Variants in ADGRG2 observed in about 807,000 individuals in gnomAD.
ADGRG2 encodes adhesion G protein-coupled receptor G2, also known as G protein-coupled receptor 64.
Under a neutral mutation model 74.1 loss-of-function variants are expected in ADGRG2, and 26 were observed. The ratio of observed to expected loss-of-function variants is 0.35; its 90% CI spans 0.26 to 0.49. ADGRG2 has a LOEUF of 0.49. Ranked by LOEUF, ADGRG2 falls within the 20% of genes least tolerant of loss-of-function variation. The pLI, the probability that ADGRG2 is intolerant of heterozygous loss-of-function variation, is 0.99. For missense variants in ADGRG2, 619 were observed against 763.1 expected (o/e 0.81, Z 2.22); for synonymous variants, 296 against 295.2 (o/e 1.00, Z -0.03).
intron 1 of ADGRG2, among the ~76,000 whole-genome samples, chrX:19,088,382 T>G (rs1477318075): frequency 8.9e-6 from 1 of 112,368 alleles, no homozygotes; most frequent in East Asian, 2.8e-4. Context: ...ATTTTCTAAT[T>G]AACTCAACTT....
chrX:19,071,346 C>T (rs2061650516), intron 2 of ADGRG2, among the ~76,000 whole-genome samples: 1 of 111,878 alleles, frequency 8.9e-6, no homozygotes, highest in Admixed American at 9.5e-5. Context: ...TCTCTCTGGG[C>T]ATAATGGCAT....
intron 7 of ADGRG2, chrX:19,034,805 G>C (rs895060546): frequency 9.1e-6 from 1 of 110,328 alleles, no homozygotes; most frequent in South Asian, 4.0e-4. Context: ...GTGGTGGCGG[G>C]CACCTGTAGT....
rs968551531 is a variant in ADGRG2, at chrX:18,997,801, A to G, written c.2614+1195T>C. Among the ~76,000 whole-genome samples, 3 of 112,304 alleles carry G rather than the reference A, an allele frequency of 2.7e-5. No individual in the cohort carries two copies. The Admixed American group carries it at 2.8e-4, about 11-fold the overall frequency. Reference sequence around the variant, plus strand: ...TGCCTGATAGAACTAGAGAAGGACAATATGGGAGCAAAAGCAACAGGAAAG... The same window carrying G: ...TGCCTGATAGAACTAGAGAAGGACAGTATGGGAGCAAAAGCAACAGGAAAG... On this transcript the variant is annotated intron_variant, in intron 26 of 28. Coordinates refer to ENST00000379869, the MANE Select transcript of ADGRG2 (RefSeq NM_001079858.3).
At chrX:19,050,444 A>G (rs1204604295) in intron 3 of ADGRG2, among the ~76,000 whole-genome samples, 1 of 111,998 alleles carries the variant, frequency 8.9e-6, no homozygotes, top group Non-Finnish European at 1.9e-5. Context: ...GGCTGGTCTC[A>G]TAGATGGCTC....
chrX:19,117,891 C>A (rs1262915001), intron 1 of ADGRG2, among the ~76,000 whole-genome samples: 1 of 110,054 alleles, frequency 9.1e-6, no homozygotes, highest in African/African-American at 3.3e-5. Flanking sequence ...ATATGAACTT[C>A]CAAAGTCAAG....
intron 24 of ADGRG2, among the ~76,000 whole-genome samples, chrX:19,002,310 C>G (rs1412112850): frequency 9.0e-6 from 1 of 111,427 alleles, no homozygotes; most frequent in Non-Finnish European, 1.9e-5. Flanking sequence ...TAAGGCCTTG[C>G]GACCTGCCAC....
At position 19,019,635 on chromosome X, in the gene ADGRG2, C is replaced by G; in HGVS notation, c.674G>C (p.Cys225Ser). ...TTCCAACTCTTCTGGGGAGGAAGGGCAGGGTATCCTGACAGAACAGCAGCA... is the reference window on the plus strand; with the variant it reads ...TTCCAACTCTTCTGGGGAGGAAGGGGAGGGTATCCTGACAGAACAGCAGCA... ...EHCCCSVRIPCPSSPEELEKL... is the reference protein window; with the variant it reads ...EHCCCSVRIPSPSSPEELEKL... Residue 225 changes from cysteine to serine, a missense_variant, in exon 15 of 29, where the codon TGC becomes TCC. By Grantham distance (112) the Cys-to-Ser change is moderately radical (BLOSUM62 -1). This residue lies in a region of ADGRG2 where 292 missense variants were observed against 318.0 expected (regional missense o/e 0.92). Transcript: ENST00000379869. 8.5e-7 allele frequency: 1 copy of G among 1,171,296 alleles called. No individual in the cohort carries two copies. Among genetic ancestry groups the G allele is most frequent in the Non-Finnish European group, 1.2e-6 (1 of 861,854 alleles).
intron 2 of ADGRG2, among the ~76,000 whole-genome samples, chrX:19,075,636 A>AAG (rs1555907969): frequency 1.9e-5 from 2 of 107,187 alleles, no homozygotes; most frequent in African/African-American, 6.9e-5. Context: ...AAAAAAAAAA[A>AAG]AAAGAAAGAA....
intron 16 of ADGRG2, 64 bp from the exon 17 acceptor site, chrX:19,010,842 G>A (rs756194384): frequency 6.9e-5 from 57 of 831,436 alleles, no homozygotes; most frequent in Non-Finnish European, 9.5e-5. Flanking sequence ...AAAGATAAAC[G>A]TACATAGACC....
At chrX:19,035,044 G>A (rs1202710761) in intron 7 of ADGRG2, 2 of 112,179 alleles carry the variant, frequency 1.8e-5, no homozygotes, top group African/African-American at 3.2e-5. Flanking sequence ...TAACTAAAGT[G>A]CTCTGGGGTA....
At chrX:19,116,506 CAA>C (rs10677696) in intron 1 of ADGRG2, among the ~76,000 whole-genome samples, 2 of 24,015 alleles carry the variant, frequency 8.3e-5, no homozygotes, top group African/African-American at 1.3e-4. Flanking sequence ...GATTCCGTCT[CAA>C]AAAAAAAAAA....
At chrX:19,103,921 G>A (rs2062232753) in intron 1 of ADGRG2, among the ~76,000 whole-genome samples, 1 of 111,490 alleles carries the variant, frequency 9.0e-6, no homozygotes, top group Non-Finnish European at 1.9e-5. Flanking sequence ...GAGGGGAAAA[G>A]GCTGGGTCCT....
chrX:19,056,908 A>C (rs2061417313), intron 3 of ADGRG2, among the ~76,000 whole-genome samples: 1 of 111,881 alleles, frequency 8.9e-6, no homozygotes, highest in East Asian at 2.8e-4. Flanking sequence ...ACTTGGGTTC[A>C]GATCCTGGCT....
chrX:19,043,294 C>G (rs2061108939), intron 3 of ADGRG2, among the ~76,000 whole-genome samples: 1 of 111,411 alleles, frequency 9.0e-6, no homozygotes, highest in Non-Finnish European at 1.9e-5. Context: ...ACAGGACTTA[C>G]ACTTTTCTGA....
chrX:19,094,629 T>C (rs898903076), intron 1 of ADGRG2, among the ~76,000 whole-genome samples: 2 of 112,703 alleles, frequency 1.8e-5, no homozygotes, highest in Admixed American at 9.4e-5. Context: ...CAGGAAAGTC[T>C]TGCAGTGGCT....
chrX:19,042,414 C>T (rs1414664321), intron 3 of ADGRG2, among the ~76,000 whole-genome samples: 1 of 110,906 alleles, frequency 9.0e-6, no homozygotes, highest in Non-Finnish European at 1.9e-5. Flanking sequence ...AGAGTGACGT[C>T]GAGGGGCAAC....
intron 3 of ADGRG2, among the ~76,000 whole-genome samples, chrX:19,047,947 A>G (rs2061228267): frequency 8.9e-6 from 1 of 111,828 alleles, no homozygotes; most frequent in African/African-American, 3.3e-5. Context: ...ATGATTAATA[A>G]TGACATCATT....
intron 16 of ADGRG2, among the ~76,000 whole-genome samples, chrX:19,012,786 G>A (rs1214359613): frequency 1.8e-5 from 2 of 110,896 alleles, no homozygotes; most frequent in Non-Finnish European, 3.8e-5. Flanking sequence ...TCAATCTAAT[G>A]TCACCAAAAA....
intron 1 of ADGRG2, among the ~76,000 whole-genome samples, chrX:19,103,261 C>T (rs1398709550): frequency 1.8e-5 from 2 of 111,534 alleles, no homozygotes; most frequent in East Asian, 2.8e-4. Context: ...CTCCCACCAG[C>T]GCCATGACGG....
Sources: allele counts gnomAD v4.1 joint callset (sites outside exome capture counted in the v4.1 genomes callset), GRCh38; gene constraint gnomAD v4.1.1; regional missense constraint gnomAD v4.1.1; transcripts MANE v1.5; gene names NCBI Gene and HGNC (gene_info 2026-07-23, HGNC 2026-07-21).